ADAP1: variants seen among roughly 807,000 people sequenced by gnomAD.
ADAP1 encodes the protein arf-GAP with dual PH domain-containing protein 1.
Under a neutral mutation model 54.9 loss-of-function variants are expected in ADAP1, and 31 were observed. The ratio of observed to expected loss-of-function variants is 0.56; its 90% CI spans 0.42 to 0.76. The LOEUF (loss-of-function observed/expected upper bound fraction) is 0.76, where lower values mean the gene tolerates loss of function less well. Ranked by LOEUF, ADAP1 falls within the 30% of genes least tolerant of loss-of-function variation. The pLI, the probability that ADAP1 is intolerant of heterozygous loss-of-function variation, is 0.00. For synonymous variants in ADAP1, 313 were observed against 202.6 expected (o/e 1.55, Z -4.63); for missense variants, 535 against 512.4 (o/e 1.04, Z -0.42).
chr7:901,292 C>T (rs1844800052), intron 6 of ADAP1: 3 of 328,878 alleles, frequency 9.1e-6, no homozygotes, highest in South Asian at 7.4e-5. Context: ...CTGGGGTCTG[C>T]CCAGACCCTT....
chr7:917,679 G>GT (rs1214423836), intron 4 of ADAP1, among the ~76,000 whole-genome samples: 3 of 152,150 alleles, frequency 2.0e-5, no homozygotes, highest in African/African-American at 7.2e-5. Flanking sequence ...GACCAGATTG[G>GT]TCTCGAACTC....
intron 1 of ADAP1, among the ~76,000 whole-genome samples, chr7:949,578 G>A (rs1847219184): frequency 6.6e-6 from 1 of 152,234 alleles, no homozygotes; most frequent in African/African-American, 2.4e-5. Context: ...GGGGAAGCTG[G>A]CTGCGGTCAC....
At chr7:924,529 C>G (rs1229836333) in intron 3 of ADAP1, among the ~76,000 whole-genome samples, 1 of 129,754 alleles carries the variant, frequency 7.7e-6, no homozygotes, top group Non-Finnish European at 1.7e-5. Flanking sequence ...CACAGCAGGT[C>G]CACACTGCAC....
intron 1 of ADAP1, among the ~76,000 whole-genome samples, chr7:941,125 ACT>A (rs1332700535): frequency 6.6e-6 from 1 of 152,186 alleles, no homozygotes; most frequent in East Asian, 1.9e-4. Context: ...TCCTGATAAA[ACT>A]CTCAGAAAAC....
At chr7:921,723 G>T (rs1846198950) in intron 3 of ADAP1, among the ~76,000 whole-genome samples, 1 of 152,214 alleles carries the variant, frequency 6.6e-6, no homozygotes, top group Non-Finnish European at 1.5e-5. Context: ...TGTGACCACG[G>T]AGGAGTTGCC....
intron 4 of ADAP1, among the ~76,000 whole-genome samples, chr7:909,067 T>C (rs1216158246): frequency 1.3e-5 from 2 of 151,982 alleles, no homozygotes; most frequent in Non-Finnish European, 2.9e-5. Context: ...ACTGCCCCTC[T>C]GCACGCGCGC....
At chr7:939,447 G>A (rs1479350284) in intron 1 of ADAP1, among the ~76,000 whole-genome samples, 5 of 151,360 alleles carry the variant, frequency 3.3e-5, no homozygotes, top group African/African-American at 1.2e-4. Flanking sequence ...TCAAACTCCC[G>A]ACTTAGGTGA....
intron 1 of ADAP1, among the ~76,000 whole-genome samples, chr7:952,992 C>T (rs139058320): frequency 1.3e-5 from 2 of 152,250 alleles, no homozygotes; most frequent in Non-Finnish European, 2.9e-5. Flanking sequence ...GGAGAGGGGC[C>T]CTGAGTCCAG....
In ADAP1 at chr7:954,613, C is replaced by G. The variant is rs201422151; in HGVS notation, c.-136G>C. On this transcript the variant is annotated 5_prime_UTR_variant, in exon 1 of 11. Coordinates refer to ENST00000265846, the MANE Select transcript of ADAP1 (RefSeq NM_006869.4). ...GGCGGCCTCAGCCCGCGCGCCGGTT[C>G]CGCATTCCCGCCGCCCTCTGGGCTC... is the stretch of plus-strand genomic sequence containing the variant. 2 of 983,082 alleles carry G rather than the reference C, an allele frequency of 2.0e-6. No homozygotes were observed. The highest frequency in any genetic ancestry group is 2.4e-6 in the Non-Finnish European group (2 of 829,362). The allele number at this position is 983,082 out of a possible 1,614,324, so 60.9% of individuals were successfully genotyped here. A position where few individuals can be genotyped will look rare whatever the true frequency, so the allele number is the denominator to read the frequency against.
chr7:905,090 C>A lies in ADAP1; in HGVS notation c.471G>T (p.Glu157Asp). The A allele has an allele frequency of 6.2e-7, 1 of 1,612,184 alleles. No individual in the cohort carries two copies. Among genetic ancestry groups the A allele is most frequent in the African/African-American group, 1.3e-5 (1 of 75,064 alleles). ...TTCTGTTGAAATACTTCAGAGCACC[C>A]TCTCGTTCTGTCAGCACAAACTTCC... ...LSRKFVLTEREGALKYFNRND... is the reference protein window; with the variant it reads ...LSRKFVLTERDGALKYFNRND... The change falls in exon 5 of 11, where the codon GAG becomes GAT. Residue 157 changes from glutamate (E) to aspartate (D), a missense_variant. Coordinates refer to ENST00000265846, the MANE Select transcript of ADAP1 (RefSeq NM_006869.4).
chr7:900,380 G>T (rs1844728712), intron 7 of ADAP1, among the ~76,000 whole-genome samples, 153 bp downstream of exon 7: 1 of 152,122 alleles, frequency 6.6e-6, no homozygotes, highest in Non-Finnish European at 1.5e-5. Context: ...AGTGAGGCAG[G>T]AGGGCTGCAG....
chr7:904,941 A>G, intron 5 of ADAP1, 119 bp downstream of exon 5: 1 of 856,766 alleles, frequency 1.2e-6, no homozygotes, highest in Non-Finnish European at 1.9e-6. Flanking sequence ...GAGCGTCCCC[A>G]TCGGGGGGGG....
At position 898,307 on chromosome 7, in the gene ADAP1, G is replaced by C. The variant is rs1341548571; in HGVS notation, c.*614C>G. The C allele has an allele frequency of 6.1e-6, 1 of 163,940 alleles. No individual in the cohort carries two copies. Among genetic ancestry groups the C allele is most frequent in the Non-Finnish European group, 1.3e-5 (1 of 74,666 alleles). 10.2% of individuals were successfully genotyped at this position (163,940 alleles called of 1,614,324 possible). A position where few individuals can be genotyped will look rare whatever the true frequency, so the allele number is the denominator to read the frequency against. ...GTGCTGGGCGCAGAGGCCACGTGTG[G>C]TGGGACGGCAGCCTGCTGGCCCCTC... On this transcript the variant is annotated 3_prime_UTR_variant, in exon 11 of 11. Coordinates refer to ENST00000265846, the MANE Select transcript of ADAP1 (RefSeq NM_006869.4).
intron 4 of ADAP1, among the ~76,000 whole-genome samples, chr7:906,667 G>C (rs1403184394): frequency 1.1e-5 from 1 of 94,394 alleles, no homozygotes; most frequent in Non-Finnish European, 2.0e-5. Context: ...GGGCGGGAAA[G>C]GGGACATGGA....
intron 3 of ADAP1, among the ~76,000 whole-genome samples, chr7:923,524 C>T (rs764588742): frequency 9.9e-5 from 15 of 152,084 alleles, no homozygotes; most frequent in African/African-American, 2.2e-4. Context: ...AGACGGGTCC[C>T]GGCCTCTGAG....
intron 1 of ADAP1, 62 bp from the exon 2 acceptor site, chr7:935,567 C>T: frequency 5.2e-6 from 8 of 1,538,546 alleles, no homozygotes; most frequent in East Asian, 2.5e-5. Context: ...GGAGGGTGGA[C>T]GGAGCCTCGA....
chr7:952,902 G>C (rs1356338697), intron 1 of ADAP1, among the ~76,000 whole-genome samples: 1 of 152,094 alleles, frequency 6.6e-6, no homozygotes, highest in Non-Finnish European at 1.5e-5. Context: ...CCCACTGGGA[G>C]GGGAGGACCA....
intron 1 of ADAP1, among the ~76,000 whole-genome samples, chr7:936,737 T>G (rs1019121001): frequency 5.3e-5 from 8 of 152,322 alleles, no homozygotes; most frequent in African/African-American, 1.9e-4. Context: ...CTGCTTTTAT[T>G]TTTAAGTGGA....
At chr7:914,598 C>G (rs1189829950) in intron 4 of ADAP1, among the ~76,000 whole-genome samples, 3 of 152,136 alleles carry the variant, frequency 2.0e-5, no homozygotes, top group Non-Finnish European at 4.4e-5. Context: ...TCCCTGAGGT[C>G]TAACCCTGAG....
Sources: allele counts gnomAD v4.1 joint callset (sites outside exome capture counted in the v4.1 genomes callset), GRCh38; gene constraint gnomAD v4.1.1; transcripts MANE v1.5; gene names NCBI Gene and HGNC (gene_info 2026-07-23, HGNC 2026-07-21).